The following AP4E1 variants were observed in gnomAD, a reference collection of about 807,000 sequenced individuals.
AP4E1 encodes AP-4 complex subunit epsilon-1.
In AP4E1, 56 loss-of-function variants were observed where a neutral mutation model predicts 128.2. That is an observed-to-expected ratio of 0.44 (90% CI 0.35 to 0.55). AP4E1 has a LOEUF of 0.55. Ranked by LOEUF, AP4E1 falls within the 20% of genes least tolerant of loss-of-function variation. The pLI is 0.00. For synonymous variants in AP4E1, 484 were observed against 473.1 expected (o/e 1.02, Z -0.30); for missense variants, 1,324 against 1,307.7 (o/e 1.01, Z -0.19).
chr15:50,943,723 A>G (rs137964040), intron 10 of AP4E1, among the ~76,000 whole-genome samples: 2 of 152,186 alleles, frequency 1.3e-5, no homozygotes, highest in Non-Finnish European at 2.9e-5. Flanking sequence ...GAAACCATAG[A>G]TAGTATTGAA....
At chr15:50,954,989 C>T (rs1323072203) in intron 13 of AP4E1, among the ~76,000 whole-genome samples, 1 of 152,164 alleles carries the variant, frequency 6.6e-6, no homozygotes, top group Non-Finnish European at 1.5e-5. Flanking sequence ...TGATGGTTTC[C>T]AGCTTCATCC....
chr15:50,927,996 A>G (rs898271484), intron 5 of AP4E1, among the ~76,000 whole-genome samples: 1 of 152,198 alleles, frequency 6.6e-6, no homozygotes, highest in African/African-American at 2.4e-5. Flanking sequence ...TGGAAACTAC[A>G]TCATGAACAT....
chr15:50,988,633 C>T (rs1003030210), intron 16 of AP4E1, among the ~76,000 whole-genome samples: 6 of 152,062 alleles, frequency 3.9e-5, no homozygotes, highest in African/African-American at 1.4e-4. Context: ...ATTGTATTAG[C>T]TCATTATTAT....
At chr15:50,982,086 C>CAAA (rs55717107) in intron 15 of AP4E1, among the ~76,000 whole-genome samples, 6,972 of 49,058 alleles carry the variant, frequency 0.14, 751 homozygotes, top group Non-Finnish European at 0.18. Flanking sequence ...ACTCCCATCT[C>CAAA]AAAAAAAAAA....
intron 3 of AP4E1, among the ~76,000 whole-genome samples, chr15:50,922,710 A>C (rs28553983): frequency 3.3e-4 from 50 of 152,248 alleles, no homozygotes; most frequent in African/African-American, 1.2e-3. Flanking sequence ...ACTGACTTCA[A>C]CTGTCTGGGT....
intron 8 of AP4E1, among the ~76,000 whole-genome samples, chr15:50,936,541 C>T (rs2063910707): frequency 6.6e-6 from 1 of 152,114 alleles, no homozygotes; most frequent in Non-Finnish European, 1.5e-5. Flanking sequence ...CCACCCAGTT[C>T]CCTTTCCTGG....
chr15:51,003,205 T>A lies in AP4E1; in HGVS notation c.*543T>A, dbSNP rs529440596. The A allele has an allele frequency of 1.3e-5, 2 of 154,546 alleles. No homozygotes were observed. Among genetic ancestry groups the A allele is most frequent in the African/African-American group, 4.8e-5 (2 of 41,580 alleles). 9.6% of individuals were successfully genotyped at this position (154,546 alleles called of 1,614,324 possible). On this transcript the variant is annotated 3_prime_UTR_variant, in exon 21 of 21. Coordinates refer to ENST00000261842, the MANE Select transcript of AP4E1 (RefSeq NM_007347.5). ...CACACTAACAGTTGTAGGAGATCCATGAGCATGCTGGATATTGAGGGGATC... is the reference window on the plus strand; with the variant it reads ...CACACTAACAGTTGTAGGAGATCCAAGAGCATGCTGGATATTGAGGGGATC...
At chr15:50,907,772 T>C (rs2063505188), upstream of AP4E1, among the ~76,000 whole-genome samples, 1 of 152,212 alleles carries the variant, frequency 6.6e-6, no homozygotes, top group African/African-American at 2.4e-5. Context: ...AATGTTGTTT[T>C]GACTTTGTGA....
intron 11 of AP4E1, 134 bp from the exon 12 acceptor site, chr15:50,949,692 C>T (rs2064117742): frequency 1.4e-6 from 1 of 715,424 alleles, no homozygotes; most frequent in South Asian, 1.5e-5. Context: ...GGGTACAGAA[C>T]AATTTATGGC....
At position 50,989,487 on chromosome 15, in the gene AP4E1, C is replaced by CT. The variant is rs755088428; in HGVS notation, c.2091-3871dup. 3.8e-3 allele frequency among the ~76,000 whole-genome samples: 558 copies of CT among 145,262 alleles called. 4 individuals carry two copies. The highest frequency in any genetic ancestry group is 0.012 in the African/African-American group (489 of 39,966). On this transcript the variant is annotated intron_variant, in intron 16 of 20. Coordinates refer to ENST00000261842, the MANE Select transcript of AP4E1 (RefSeq NM_007347.5). ...CATGAGTTCAAATTCTTTTTCTTAT[C>CT]TTTTTTTTTTTTCCTGCTCTGTTAA...
chr15:50,955,059 A>G (rs1269162121), intron 13 of AP4E1, among the ~76,000 whole-genome samples: 1 of 152,184 alleles, frequency 6.6e-6, no homozygotes, highest in Non-Finnish European at 1.5e-5. Flanking sequence ...TCCATGGTGT[A>G]TATGTGCCAC....
chr15:50,923,915 C>A lies in AP4E1; in HGVS notation c.347-16C>A. The A allele has an allele frequency of 6.3e-7, 1 of 1,599,958 alleles. No homozygotes were observed. Among genetic ancestry groups the A allele is most frequent in the South Asian group, 1.1e-5 (1 of 90,732 alleles). On this transcript the variant is annotated splice_polypyrimidine_tract_variant and intron_variant, in intron 3 of 20. Coordinates refer to ENST00000261842, the MANE Select transcript of AP4E1 (RefSeq NM_007347.5). ...TTTGGTAGTTAGTAATCAGACTTTT[C>A]CCTCAACTTTTATAGGTTATTTGGC...
At chr15:50,948,556 A>T (rs2064097737) in intron 11 of AP4E1, among the ~76,000 whole-genome samples, 1 of 152,120 alleles carries the variant, frequency 6.6e-6, no homozygotes, top group Non-Finnish European at 1.5e-5. Flanking sequence ...TTATTGTTTT[A>T]AGCTGGAAAT....
At chr15:50,946,946 G>A (rs998980233) in intron 10 of AP4E1, among the ~76,000 whole-genome samples, 6 of 152,054 alleles carry the variant, frequency 3.9e-5, no homozygotes, top group Admixed American at 6.5e-5. Context: ...CGAGGTGGGC[G>A]GATCACCTGA....
At position 50,923,950 on chromosome 15, in the gene AP4E1, A is replaced by G; in HGVS notation, c.366A>G (p.Leu122=). The G allele has an allele frequency of 6.2e-7, 1 of 1,612,090 alleles. No individual in the cohort carries two copies. Among genetic ancestry groups the G allele is most frequent in the Non-Finnish European group, 8.5e-7 (1 of 1,178,620 alleles). The change falls in exon 4 of 21, where the codon TTA becomes TTG. Residue 122 remains leucine, a synonymous_variant. Coordinates refer to ENST00000261842, the MANE Select transcript of AP4E1 (RefSeq NM_007347.5). The part of the protein sequence containing the change: ...EKRVGYLAVS[L]FLHESHELLL... ...TTATAGGTTATTTGGCTGTTTCCTT[A>G]TTTCTACATGAAAGTCATGAATTAT...
chr15:50,970,109 G>A (rs1240518466), intron 15 of AP4E1, among the ~76,000 whole-genome samples: 2 of 151,858 alleles, frequency 1.3e-5, no homozygotes, highest in African/African-American at 4.8e-5. Context: ...ACCTTTCCTA[G>A]CGCCTAGTAT....
intron 1 of AP4E1, among the ~76,000 whole-genome samples, chr15:50,910,618 C>G (rs2063555213): frequency 6.6e-6 from 1 of 152,176 alleles, no homozygotes; most frequent in Non-Finnish European, 1.5e-5. Context: ...CGGAGAGAAC[C>G]TGCTTCACAT....
chr15:50,940,291 A>T (rs1326334611), intron 8 of AP4E1, among the ~76,000 whole-genome samples: 1 of 152,206 alleles, frequency 6.6e-6, no homozygotes, highest in African/African-American at 2.4e-5. Context: ...TTCTTAAAGA[A>T]AAATTAATAT....
chr15:50,998,193 TTGG>T (rs10566068), intron 18 of AP4E1, among the ~76,000 whole-genome samples: 82,657 of 151,648 alleles, frequency 0.55, 23,045 homozygotes, highest in Non-Finnish European at 0.62. Context: ...ATGGATGTCC[TTGG>T]TGGATTTATA....
Sources: gnomAD v4.1 joint callset for allele counts (sites outside exome capture counted in the v4.1 genomes callset) on GRCh38, gnomAD v4.1.1 for gene constraint, MANE v1.5 for transcripts, NCBI Gene and HGNC (gene_info 2026-07-23, HGNC 2026-07-21) for gene names.